The following LRRC4C variants were observed in gnomAD, a reference collection of about 807,000 sequenced individuals.
LRRC4C encodes the protein leucine rich repeat containing 4C.
In LRRC4C, 5 loss-of-function variants were observed where a neutral mutation model predicts 33.6. The ratio of observed to expected loss-of-function variants is 0.15; its 90% CI spans 0.08 to 0.31. LRRC4C has a LOEUF of 0.31. LRRC4C is among the 10% of genes least tolerant of loss of function. The pLI, the probability that LRRC4C is intolerant of heterozygous loss-of-function variation, is 1.00. For missense variants in LRRC4C, 560 were observed against 796.7 expected (o/e 0.70, Z 3.58); for synonymous variants, 329 against 302.0 (o/e 1.09, Z -0.93).
intron 1 of LRRC4C, among the ~76,000 whole-genome samples, chr11:41,057,084 T>C (rs1015736450): frequency 2.0e-5 from 3 of 152,190 alleles, no homozygotes; most frequent in Non-Finnish European, 4.4e-5. Flanking sequence ...ATCATGGCTA[T>C]GGACCCAGGC....
At chr11:41,432,819 G>A (rs926659667) in intron 1 of LRRC4C, among the ~76,000 whole-genome samples, 1 of 152,062 alleles carries the variant, frequency 6.6e-6, no homozygotes, top group African/African-American at 2.4e-5. Context: ...CCCCCCTGTG[G>A]TGGAGAAGTA....
chr11:40,356,799 G>A (rs538279478), intron 3 of LRRC4C, among the ~76,000 whole-genome samples: 1 of 152,200 alleles, frequency 6.6e-6, no homozygotes, highest in East Asian at 1.9e-4. Flanking sequence ...CCAAGCATGA[G>A]GCAGACAGTA....
chr11:40,186,080 A>T (rs1450740207), intron 5 of LRRC4C, among the ~76,000 whole-genome samples: 2 of 152,140 alleles, frequency 1.3e-5, no homozygotes, highest in East Asian at 3.9e-4. Context: ...AGCTTCTAGG[A>T]AGACGGCACC....
intron 1 of LRRC4C, among the ~76,000 whole-genome samples, chr11:41,182,138 T>C (rs575391263): frequency 6.6e-6 from 1 of 152,296 alleles, no homozygotes; most frequent in Middle Eastern, 3.4e-3. Flanking sequence ...GCAATTATAC[T>C]CATAGACCAG....
intron 3 of LRRC4C, among the ~76,000 whole-genome samples, chr11:40,541,802 T>A (rs1160277795): frequency 6.6e-6 from 1 of 152,146 alleles, no homozygotes; most frequent in Non-Finnish European, 1.5e-5. Flanking sequence ...AGCTGCTTAG[T>A]AAATGTTGGT....
At chr11:41,330,512 T>C (rs1951260225) in intron 1 of LRRC4C, among the ~76,000 whole-genome samples, 1 of 152,118 alleles carries the variant, frequency 6.6e-6, no homozygotes, top group South Asian at 2.1e-4. Flanking sequence ...CATGTGGTCC[T>C]CATTTACCTC....
intron 3 of LRRC4C, among the ~76,000 whole-genome samples, chr11:40,479,774 G>T (rs1027112200): frequency 6.6e-6 from 1 of 152,018 alleles, no homozygotes; most frequent in African/African-American, 2.4e-5. Flanking sequence ...AAAAATCAGT[G>T]GAAAGAGTGA....
At chr11:41,310,061 T>C (rs796543968) in intron 1 of LRRC4C, among the ~76,000 whole-genome samples, 2 of 152,232 alleles carry the variant, frequency 1.3e-5, no homozygotes, top group South Asian at 4.1e-4. Context: ...TATTTCTCAT[T>C]TCCTCCCAAG....
chr11:40,316,359 A>G (rs192591364), intron 4 of LRRC4C, among the ~76,000 whole-genome samples: 2 of 152,120 alleles, frequency 1.3e-5, no homozygotes, highest in East Asian at 3.9e-4. Flanking sequence ...TGAATCAGAA[A>G]CCTGACAAGG....
At chr11:40,489,826 T>G (rs1954057046) in intron 3 of LRRC4C, among the ~76,000 whole-genome samples, 1 of 152,200 alleles carries the variant, frequency 6.6e-6, no homozygotes, top group Admixed American at 6.5e-5. Context: ...ATTGACTTGA[T>G]TTTGTAAAAT....
chr11:40,305,707 T>A (rs1944996981), intron 4 of LRRC4C, among the ~76,000 whole-genome samples: 1 of 152,174 alleles, frequency 6.6e-6, no homozygotes, highest in East Asian at 1.9e-4. Flanking sequence ...CACCAGAAGT[T>A]TCAGTATTGG....
intron 3 of LRRC4C, among the ~76,000 whole-genome samples, chr11:40,589,346 C>T (rs1958923838): frequency 6.6e-6 from 1 of 152,000 alleles, no homozygotes; most frequent in Non-Finnish European, 1.5e-5. Context: ...CTTCCTCCAT[C>T]CTTTTATTTT....
chr11:41,281,625 G>T (rs1949680497), intron 1 of LRRC4C, among the ~76,000 whole-genome samples: 1 of 152,192 alleles, frequency 6.6e-6, no homozygotes, highest in African/African-American at 2.4e-5. Context: ...TGTGGGAGAG[G>T]ATTTAAAATT....
In LRRC4C at chr11:40,160,179, T is replaced by G. The variant is rs1296554125; in HGVS notation, c.-95-19326A>C. ...ATGGACCAGAGAAGAGTTGCGAAGATTTTTTTTTTTTTGGACAGAGTTTTA... is the reference window on the plus strand; with the variant it reads ...ATGGACCAGAGAAGAGTTGCGAAGAGTTTTTTTTTTTTGGACAGAGTTTTA... On this transcript the variant is annotated intron_variant, in intron 5 of 6. Transcript: ENST00000528697. 2.3e-4 allele frequency among the ~76,000 whole-genome samples: 28 copies of G among 120,164 alleles called. 1 individual carries two copies. In the South Asian group the frequency reaches 8.2e-3, roughly 35 times the overall value. 78.8% of individuals were successfully genotyped at this position (120,164 alleles called of 152,430 possible).
rs114751425 is a variant in LRRC4C, at chr11:41,453,107, G to A, written c.-496+6324C>T. The stretch of plus-strand genomic sequence containing the variant: ...GTTACTAATGAGACATAACATATTG[G>A]GACATGCTACCCATAAAGTAAATTC... On this transcript the variant is annotated intron_variant, in intron 1 of 6. Transcript: ENST00000528697. 1.9e-3 allele frequency among the ~76,000 whole-genome samples: 296 copies of A among 152,002 alleles called. 1 individual carries two copies. In the Middle Eastern group the frequency reaches 0.021, roughly 11 times the overall value.
chr11:40,400,741 A>T (rs924803758), intron 3 of LRRC4C, among the ~76,000 whole-genome samples: 1 of 152,068 alleles, frequency 6.6e-6, no homozygotes, highest in African/African-American at 2.4e-5. Context: ...AGGAATAATC[A>T]TTGCTTTTTC....
At chr11:40,374,318 C>T (rs1948576472) in intron 3 of LRRC4C, among the ~76,000 whole-genome samples, 1 of 152,060 alleles carries the variant, frequency 6.6e-6, no homozygotes, top group Admixed American at 6.6e-5. Flanking sequence ...TTTATTCATT[C>T]TGTATGCATT....
At chr11:40,983,137 G>T (rs1852660135) in intron 1 of LRRC4C, among the ~76,000 whole-genome samples, 1 of 152,116 alleles carries the variant, frequency 6.6e-6, no homozygotes, top group South Asian at 2.1e-4. Flanking sequence ...ATGGACAAAA[G>T]CATACATATG....
intron 1 of LRRC4C, among the ~76,000 whole-genome samples, chr11:41,380,948 A>G (rs1380448139): frequency 1.3e-5 from 2 of 152,174 alleles, no homozygotes; most frequent in Non-Finnish European, 2.9e-5. Flanking sequence ...AGTGGTTAGA[A>G]GTGAAGAAGA....
Sources: allele counts gnomAD v4.1 joint callset (sites outside exome capture counted in the v4.1 genomes callset), GRCh38; gene constraint gnomAD v4.1.1; transcripts MANE v1.5; gene names NCBI Gene and HGNC (gene_info 2026-07-23, HGNC 2026-07-21).